KLHL24: variants seen among roughly 807,000 people sequenced by gnomAD.
The protein encoded by KLHL24 is kelch-like protein 24.
KLHL24 carries 29 observed loss-of-function variants against 53.4 expected under a neutral mutation model. The ratio of observed to expected loss-of-function variants is 0.54; its 90% confidence interval spans 0.40 to 0.74. The LOEUF is 0.74. KLHL24 is among the 30% of genes least tolerant of loss of function. KLHL24 has a pLI of 0.00. For missense variants in KLHL24, 504 were observed against 744.0 expected (o/e 0.68, Z 3.75); for synonymous variants, 222 against 253.7 (o/e 0.88, Z 1.19).
chr3:183,652,747 G>A (rs1718298143), intron 3 of KLHL24, among the ~76,000 whole-genome samples: 1 of 152,170 alleles, frequency 6.6e-6, no homozygotes, highest in African/African-American at 2.4e-5. Flanking sequence ...AAACTAAACA[G>A]CTTCAGAGCT....
chr3:183,667,771 C>T (rs1720779393), intron 5 of KLHL24, among the ~76,000 whole-genome samples: 1 of 152,070 alleles, frequency 6.6e-6, no homozygotes, highest in African/African-American at 2.4e-5. Flanking sequence ...GGCTGTAGTG[C>T]AGCAGCACAG....
chr3:183,661,420 C>T (rs1297224541), intron 3 of KLHL24, among the ~76,000 whole-genome samples: 2 of 152,114 alleles, frequency 1.3e-5, no homozygotes, highest in Non-Finnish European at 2.9e-5. Flanking sequence ...AGCTCCCTGC[C>T]TGAGATAAGT....
At position 183,663,666 on chromosome 3, in the gene KLHL24, G is replaced by A. The variant is rs200558498; in HGVS notation, c.1105+24G>A. 4 of 1,375,128 alleles carry A rather than the reference G, an allele frequency of 2.9e-6. No individual in the cohort carries two copies. Among genetic ancestry groups the A allele is most frequent in the Admixed American group, 4.6e-5 (2 of 43,294 alleles). 85.2% of individuals were successfully genotyped at this position (1,375,128 alleles called of 1,614,324 possible). ...AGGTAAATATAGAATTATTACAGTA[G>A]CTACTTTTAATTTGGACACAGCTTC... On this transcript the variant is annotated intron_variant, in intron 4 of 7. Transcript: ENST00000242810. This position sits in a 1 kb window ranked among gnomAD's most constrained non-coding sequence, Gnocchi z 4.9.
At chr3:183,666,911 AAGC>A (rs1409081894) in intron 5 of KLHL24, among the ~76,000 whole-genome samples, 6 of 152,078 alleles carry the variant, frequency 3.9e-5, no homozygotes, top group Admixed American at 3.9e-4. Flanking sequence ...GAACAACTAA[AAGC>A]AGCACACTTG....
At chr3:183,643,952 A>G (rs1716840370) in intron 2 of KLHL24, 1 of 149,680 alleles carries the variant, frequency 6.7e-6, no homozygotes, top group Non-Finnish European at 1.5e-5. Context: ...TTGCTTGATT[A>G]TGCATCATGA....
Position 183,679,351 on chromosome 3 carries a change from T to G in KLHL24, c.*65T>G. 8.2e-7 allele frequency: 1 copy of G among 1,215,388 alleles called. No homozygotes were observed. Among genetic ancestry groups the G allele is most frequent in the Non-Finnish European group, 1.2e-6 (1 of 832,574 alleles). 75.3% of individuals were successfully genotyped at this position (1,215,388 alleles called of 1,614,324 possible). On this transcript the variant is annotated 3_prime_UTR_variant, in exon 8 of 8. Coordinates refer to ENST00000242810, the MANE Select transcript of KLHL24 (RefSeq NM_017644.3). ...ATGGGAGGTTTTAAAAACTCTACAG[T>G]GGGAACTTCACATATCTCCTTTGTG...
At chr3:183,652,690 G>A (rs1243017913) in intron 3 of KLHL24, among the ~76,000 whole-genome samples, 1 of 152,130 alleles carries the variant, frequency 6.6e-6, no homozygotes. Flanking sequence ...CTGTGAGATA[G>A]CTTGTTTTTA....
At chr3:183,637,783 C>T (rs1244713315) in intron 1 of KLHL24, among the ~76,000 whole-genome samples, 3 of 152,118 alleles carry the variant, frequency 2.0e-5, no homozygotes, top group African/African-American at 2.4e-5. Flanking sequence ...CTTAGTTTCC[C>T]GAGTAGCTGG....
intron 2 of KLHL24, among the ~76,000 whole-genome samples, chr3:183,644,694 A>G (rs1716980967): frequency 6.6e-6 from 1 of 152,242 alleles, no homozygotes; most frequent in African/African-American, 2.4e-5. Flanking sequence ...ATAAAAAGAC[A>G]GACCCTTAAT....
chr3:183,679,011 AT>A (rs1370479023), intron 7 of KLHL24, 74 bp from the exon 8 acceptor site: 10 of 1,177,100 alleles, frequency 8.5e-6, no homozygotes, highest in African/African-American at 1.5e-5. Context: ...CTAAAGCATT[AT>A]TTTGCTTTTC....
At chr3:183,675,788 G>T (rs1031430943) in intron 7 of KLHL24, among the ~76,000 whole-genome samples, 1 of 149,016 alleles carries the variant, frequency 6.7e-6, no homozygotes, top group South Asian at 2.1e-4. Context: ...AAAAAAAAAA[G>T]AAAGAAAAAA....
chr3:183,644,995 A>G (rs1717023201), intron 2 of KLHL24, among the ~76,000 whole-genome samples: 1 of 152,224 alleles, frequency 6.6e-6, no homozygotes, highest in Non-Finnish European at 1.5e-5. Flanking sequence ...ATCACTAGTC[A>G]AAGTCACAAT....
intron 7 of KLHL24, among the ~76,000 whole-genome samples, chr3:183,673,390 T>TC (rs1055188517): frequency 1.7e-5 from 1 of 59,724 alleles, no homozygotes; most frequent in African/African-American, 3.2e-4. Flanking sequence ...TGGGCTGTTC[T>TC]TTTTTTTTTC....
intron 3 of KLHL24, among the ~76,000 whole-genome samples, chr3:183,652,238 T>A (rs891611244): frequency 6.6e-6 from 1 of 152,226 alleles, no homozygotes; most frequent in African/African-American, 2.4e-5. Context: ...TATTTGTATC[T>A]TCTTCCAGTA....
At chr3:183,657,989 G>A (rs1472231374) in intron 3 of KLHL24, among the ~76,000 whole-genome samples, 1 of 152,130 alleles carries the variant, frequency 6.6e-6, no homozygotes, top group Admixed American at 6.6e-5. Flanking sequence ...GAGGTGGGCA[G>A]ATCACCTGAG....
At chr3:183,676,598 A>G (rs577496119) in intron 7 of KLHL24, among the ~76,000 whole-genome samples, 1 of 152,228 alleles carries the variant, frequency 6.6e-6, no homozygotes, top group Non-Finnish European at 1.5e-5. Context: ...TTATAGTCCT[A>G]ATGGACCCTG....
chr3:183,636,736 C>T (rs2280425), intron 1 of KLHL24: 47,328 of 152,066 alleles, frequency 0.31, 7,813 homozygotes, highest in East Asian at 0.47. Flanking sequence ...TTCCCGCCCC[C>T]TTGAAGGTGA....
chr3:183,653,512 C>T (rs948255428), intron 3 of KLHL24, among the ~76,000 whole-genome samples: 6 of 152,030 alleles, frequency 3.9e-5, no homozygotes, highest in Admixed American at 2.0e-4. Context: ...ATTTGCAGGG[C>T]GGGGAAACCA....
intron 4 of KLHL24, 149 bp from the exon 5 acceptor site, chr3:183,664,772 A>T (rs1441190141): frequency 4.3e-6 from 2 of 467,470 alleles, no homozygotes; most frequent in Admixed American, 6.6e-5. Context: ...AAATTTCAAG[A>T]GGTCTTTATT....
Sources: gnomAD v4.1 joint callset for allele counts (sites outside exome capture counted in the v4.1 genomes callset) on GRCh38, gnomAD v4.1.1 for gene constraint, Gnocchi (gnomAD v3.1) non-coding constraint, MANE v1.5 for transcripts, NCBI Gene and HGNC (gene_info 2026-07-23, HGNC 2026-07-21) for gene names.